ANO4: variants seen among roughly 807,000 people sequenced by gnomAD.
ANO4 encodes anoctamin 4.
In ANO4, 69 loss-of-function variants were observed where a neutral mutation model predicts 141.9. That is an observed-to-expected ratio of 0.49 (90% CI 0.40 to 0.59). ANO4 has a LOEUF of 0.59. Among genes scored for constraint, ANO4 ranks in the 20% least tolerant of loss-of-function variants. The pLI is 0.00. For missense variants in ANO4, 894 were observed against 1,162.2 expected (o/e 0.77, Z 3.36); for synonymous variants, 350 against 394.3 (o/e 0.89, Z 1.33).
chr12:100,864,688 C>A (rs534898426), intron 1 of ANO4, among the ~76,000 whole-genome samples: 2 of 152,200 alleles, frequency 1.3e-5, no homozygotes, highest in Middle Eastern at 6.8e-3. Context: ...CTCACAAAAT[C>A]GGCATTTTTT....
At chr12:100,816,942 T>A (rs1257038402) in intron 1 of ANO4, among the ~76,000 whole-genome samples, 1 of 151,500 alleles carries the variant, frequency 6.6e-6, no homozygotes, top group Non-Finnish European at 1.5e-5. Flanking sequence ...GAGTAAATTT[T>A]ATTTTTTTAA....
chr12:100,898,771 C>A lies in ANO4; in HGVS notation c.-140-2875C>A, dbSNP rs560333525. On this transcript the variant is annotated intron_variant, in intron 1 of 27. Transcript: ENST00000392977. ...TTCCCCTCAGCCCAATAAGCCTCTG[C>A]AAAAAGGAAAAGAAGAAATTTTTTC... Among the ~76,000 whole-genome samples, 212 of 152,200 alleles carry A rather than the reference C, an allele frequency of 1.4e-3. 2 individuals are homozygous for A. Among genetic ancestry groups the A allele is most frequent in the African/African-American group, 4.9e-3 (204 of 41,534 alleles).
At chr12:101,025,838 A>G (rs1455768650) in intron 9 of ANO4, among the ~76,000 whole-genome samples, 1 of 152,252 alleles carries the variant, frequency 6.6e-6, no homozygotes, top group Non-Finnish European at 1.5e-5. Context: ...ATATGTTCAT[A>G]TTTATGAACA....
At chr12:100,957,866 A>C (rs2043235018) in intron 5 of ANO4, among the ~76,000 whole-genome samples, 1 of 152,200 alleles carries the variant, frequency 6.6e-6, no homozygotes, top group Admixed American at 6.5e-5. Flanking sequence ...AAACTAAGAC[A>C]TCATTTTTAT....
chr12:101,009,927 G>T (rs1406678713), intron 8 of ANO4, among the ~76,000 whole-genome samples: 10 of 152,018 alleles, frequency 6.6e-5, no homozygotes. Context: ...TGCTCTGGGA[G>T]AATTCTTCAA....
intron 14 of ANO4, among the ~76,000 whole-genome samples, chr12:101,072,021 CTA>C (rs1487500113): frequency 6.6e-6 from 1 of 152,078 alleles, no homozygotes; most frequent in African/African-American, 2.4e-5. Flanking sequence ...TTAACCATTG[CTA>C]TGTTTTCCAG....
At chr12:100,897,915 A>G (rs1593679397) in intron 1 of ANO4, among the ~76,000 whole-genome samples, 1 of 152,224 alleles carries the variant, frequency 6.6e-6, no homozygotes, top group African/African-American at 2.4e-5. Context: ...TCCCCCACCC[A>G]GGATAGCTTT....
chr12:100,908,220 A>T (rs2040934449), intron 2 of ANO4, among the ~76,000 whole-genome samples: 1 of 152,110 alleles, frequency 6.6e-6, no homozygotes, highest in South Asian at 2.1e-4. Context: ...GTGGTGGTGC[A>T]TGCCTGTAAT....
chr12:100,900,464 A>G (rs1230020763), intron 1 of ANO4, among the ~76,000 whole-genome samples: 1 of 43,876 alleles, frequency 2.3e-5, no homozygotes, highest in Non-Finnish European at 4.3e-5. Context: ...CCCCTACCCC[A>G]TGACAGGCCC....
intron 15 of ANO4, among the ~76,000 whole-genome samples, 166 bp from the exon 16 acceptor site, chr12:101,083,512 G>A (rs1323212601): frequency 1.3e-5 from 2 of 152,082 alleles, no homozygotes; most frequent in African/African-American, 2.4e-5. Context: ...TTCTTCAAGT[G>A]GCCAATTTTC....
chr12:100,867,612 TCACA>T (rs35222532), intron 1 of ANO4, among the ~76,000 whole-genome samples: 17 of 149,826 alleles, frequency 1.1e-4, no homozygotes, highest in African/African-American at 2.9e-4. Context: ...TCTCTCTCTC[TCACA>T]CACACACACA....
chr12:100,918,719 A>T (rs2041465887), intron 2 of ANO4, among the ~76,000 whole-genome samples: 1 of 152,208 alleles, frequency 6.6e-6, no homozygotes, highest in Non-Finnish European at 1.5e-5. Context: ...TATTTACAGT[A>T]TATAATACTT....
At chr12:100,824,837 A>T (rs1166018707) in intron 1 of ANO4, among the ~76,000 whole-genome samples, 1 of 152,054 alleles carries the variant, frequency 6.6e-6, no homozygotes, top group Non-Finnish European at 1.5e-5. Flanking sequence ...TTGGCAGATT[A>T]AGAGGACTCA....
intron 3 of ANO4, among the ~76,000 whole-genome samples, chr12:100,787,709 G>A (rs992768904): frequency 6.6e-6 from 1 of 152,156 alleles, no homozygotes; most frequent in African/African-American, 2.4e-5. Flanking sequence ...TGGACAAATG[G>A]GTTAAAGTGA....
At chr12:101,068,271 T>G (rs545832589) in intron 14 of ANO4, 1 of 1,441,796 alleles carries the variant, frequency 6.9e-7, no homozygotes, top group Non-Finnish European at 9.4e-7. Context: ...ACTCATGAGT[T>G]CCTGCCTCTG....
At chr12:100,782,596 C>T (rs1003100967) in intron 3 of ANO4, among the ~76,000 whole-genome samples, 1 of 152,136 alleles carries the variant, frequency 6.6e-6, no homozygotes, top group African/African-American at 2.4e-5. Context: ...AGGGTTGAAT[C>T]TCTGCTTTTT....
At chr12:100,827,096 C>G (rs562927673) in intron 1 of ANO4, among the ~76,000 whole-genome samples, 1 of 151,966 alleles carries the variant, frequency 6.6e-6, no homozygotes. Flanking sequence ...CCTATTACTC[C>G]CTTGCTGAAA....
chr12:100,925,833 A>G lies in ANO4; in HGVS notation c.160+3503A>G, dbSNP rs995287792. 8.3e-5 allele frequency among the ~76,000 whole-genome samples: 12 copies of G among 144,148 alleles called. No homozygotes were observed. In the East Asian group the frequency reaches 2.3e-3, roughly 27 times the overall value. The allele number at this position is 144,148 out of a possible 152,430, so 94.6% of individuals were successfully genotyped here. Reference sequence around the variant, plus strand: ...TACATATACATACATACATATATATACATACATATATATACACACACACAT... The same window carrying G: ...TACATATACATACATACATATATATGCATACATATATATACACACACACAT... On this transcript the variant is annotated intron_variant, in intron 3 of 27. Coordinates refer to ENST00000392977, the MANE Select transcript of ANO4 (RefSeq NM_001286615.2).
chr12:100,922,800 A>G (rs192174090), intron 3 of ANO4, among the ~76,000 whole-genome samples: 8 of 152,306 alleles, frequency 5.3e-5, no homozygotes, highest in Non-Finnish European at 1.2e-4. Context: ...GCATGCCAGA[A>G]GTGAACCCTC....
Sources: gnomAD v4.1 joint callset for allele counts (sites outside exome capture counted in the v4.1 genomes callset) on GRCh38, gnomAD v4.1.1 for gene constraint, MANE v1.5 for transcripts, NCBI Gene and HGNC (gene_info 2026-07-23, HGNC 2026-07-21) for gene names.